The following KDM4C variants were observed in gnomAD, a reference collection of about 807,000 sequenced individuals.
The protein encoded by KDM4C is lysine demethylase 4C, also known as lysine-specific demethylase 4C.
KDM4C carries 81 observed loss-of-function variants against 129.3 expected under a neutral mutation model. That is an observed-to-expected ratio of 0.63 (90% CI 0.52 to 0.75). The LOEUF is 0.75. Ranked by LOEUF, KDM4C falls within the 30% of genes least tolerant of loss-of-function variation. KDM4C has a pLI of 0.00. For synonymous variants in KDM4C, 573 were observed against 456.1 expected (o/e 1.26, Z -3.26); for missense variants, 1,457 against 1,304.0 (o/e 1.12, Z -1.81).
At chr9:7,160,544 C>T (rs979632651) in intron 19 of KDM4C, among the ~76,000 whole-genome samples, 1 of 152,186 alleles carries the variant, frequency 6.6e-6, no homozygotes, top group South Asian at 2.1e-4. Flanking sequence ...GATGTTGATG[C>T]TATTCCCTTC....
intron 15 of KDM4C, among the ~76,000 whole-genome samples, chr9:7,036,041 T>C (rs1827588491): frequency 6.6e-6 from 1 of 152,190 alleles, no homozygotes. Context: ...GGTGTTTTGA[T>C]AGGGATTGCA....
At chr9:6,958,382 C>T (rs1032563794) in intron 8 of KDM4C, among the ~76,000 whole-genome samples, 5 of 151,956 alleles carry the variant, frequency 3.3e-5, no homozygotes, top group Non-Finnish European at 7.4e-5. Context: ...ACCAGAAGTT[C>T]GAGACCAGCC....
intron 8 of KDM4C, among the ~76,000 whole-genome samples, chr9:6,918,356 T>G (rs1820716002): frequency 6.6e-6 from 1 of 152,214 alleles, no homozygotes; most frequent in Non-Finnish European, 1.5e-5. Context: ...ATGATTTTAT[T>G]CTTTTTATGG....
intron 17 of KDM4C, among the ~76,000 whole-genome samples, chr9:7,092,513 T>G (rs1328483465): frequency 6.6e-6 from 1 of 152,200 alleles, no homozygotes; most frequent in Non-Finnish European, 1.5e-5. Context: ...ATGTTTCTCT[T>G]CATAATTTAT....
intron 17 of KDM4C, among the ~76,000 whole-genome samples, chr9:7,092,051 A>C (rs1021528029): frequency 3.3e-5 from 5 of 152,188 alleles, no homozygotes; most frequent in African/African-American, 1.2e-4. Flanking sequence ...CTTATACCCA[A>C]GCTCTTTGGC....
At chr9:7,067,718 TA>T (rs1353300749) in intron 17 of KDM4C, among the ~76,000 whole-genome samples, 1 of 152,228 alleles carries the variant, frequency 6.6e-6, no homozygotes, top group Non-Finnish European at 1.5e-5. Context: ...CCGAAGTGTA[TA>T]AAATCCAAAA....
chr9:6,731,325 C>CT (rs34724329), intron 1 of KDM4C, among the ~76,000 whole-genome samples: 2,984 of 113,958 alleles, frequency 0.026, 193 homozygotes, highest in African/African-American at 0.077. Context: ...TTTTTTTTTG[C>CT]TTTTTTTTTT....
At chr9:6,925,566 T>G in intron 8 of KDM4C, 1 of 983,994 alleles carries the variant, frequency 1.0e-6, no homozygotes, top group Non-Finnish European at 1.2e-6. Context: ...GAAGTTCTGG[T>G]ACAAGTGGGA....
chr9:6,963,458 A>C (rs146655150), intron 8 of KDM4C, among the ~76,000 whole-genome samples: 402 of 152,350 alleles, frequency 2.6e-3, no homozygotes, highest in African/African-American at 9.3e-3. Context: ...TATGACCAGT[A>C]GTATCGTGCC....
At chr9:6,797,250 G>A (rs1827921163) in intron 2 of KDM4C, among the ~76,000 whole-genome samples, 1 of 152,104 alleles carries the variant, frequency 6.6e-6, no homozygotes, top group African/African-American at 2.4e-5. Flanking sequence ...GCCTCCCAAA[G>A]TGCTGGGATT....
chr9:6,805,616 G>A lies in KDM4C; in HGVS notation c.162G>A (p.Glu54=). ...AGLAKVIPPK[E]WKPRQCYDDI... ...ATTTTTAGGTGATTCCTCCTAAGGA[G>A]TGGAAGCCAAGACAGTGCTATGATG... Residue 54 remains glutamate, a synonymous_variant, in exon 3 of 22, where the codon GAG becomes GAA. Coordinates refer to ENST00000381309, the MANE Select transcript of KDM4C (RefSeq NM_015061.6). 6.2e-7 allele frequency: 1 copy of A among 1,609,346 alleles called. No individual in the cohort carries two copies. Among genetic ancestry groups the A allele is most frequent in the South Asian group, 1.1e-5 (1 of 89,302 alleles).
chr9:6,776,376 C>T (rs1277490784), intron 1 of KDM4C, among the ~76,000 whole-genome samples: 1 of 152,158 alleles, frequency 6.6e-6, no homozygotes, highest in East Asian at 1.9e-4. Flanking sequence ...TGATTCCTGC[C>T]TCAGCCTCCC....
chr9:6,999,073 G>T (rs10975959), intron 12 of KDM4C, among the ~76,000 whole-genome samples: 3 of 152,026 alleles, frequency 2.0e-5, no homozygotes, highest in South Asian at 2.1e-4. Flanking sequence ...TCAAACAAAA[G>T]GACATTAGTT....
chr9:7,093,751 T>C (rs1347152413), intron 17 of KDM4C, among the ~76,000 whole-genome samples: 1 of 152,248 alleles, frequency 6.6e-6, no homozygotes, highest in Non-Finnish European at 1.5e-5. Context: ...TATAGCAATC[T>C]ATTAATGCAT....
intron 9 of KDM4C, chr9:6,982,476 A>G (rs1241124136): frequency 6.6e-6 from 1 of 152,228 alleles, no homozygotes; most frequent in African/African-American, 2.4e-5. Flanking sequence ...GGTAAGGGCA[A>G]ATATTCACTC....
rs188028457 is a variant in KDM4C at position 6,857,432 on chromosome 9, A to T, written c.629+7732A>T. Among the ~76,000 whole-genome samples the T allele has an allele frequency of 2.6e-5, 4 of 152,344 alleles. No individual in the cohort carries two copies. In the East Asian group the frequency reaches 7.7e-4, roughly 29 times the overall value. ...GAGAATACAGTGCTAACTGGTAGTA[A>T]AATATTTATTGATCAAGTGGATCAC... On this transcript the variant is annotated intron_variant, in intron 5 of 21. Transcript: ENST00000381309.
chr9:6,724,531 A>G lies in KDM4C; in HGVS notation c.49+3534A>G, dbSNP rs148618574. On this transcript the variant is annotated intron_variant, in intron 1 of 17. Transcript: ENST00000536108. ...AACTGGACATATTATTATTATTGTT[A>G]TTATTATTATTATTTTTGAGACGGA... Among the ~76,000 whole-genome samples, 244 of 151,984 alleles carry G rather than the reference A, an allele frequency of 1.6e-3. 2 individuals are homozygous for G. Among genetic ancestry groups the G allele is most frequent in the African/African-American group, 5.6e-3 (234 of 41,472 alleles).
intron 8 of KDM4C, among the ~76,000 whole-genome samples, chr9:6,943,103 A>G (rs1470496939): frequency 2.6e-5 from 4 of 152,116 alleles, no homozygotes; most frequent in Non-Finnish European, 5.9e-5. Context: ...CCTGGAGTCA[A>G]GCAATCCTCC....
intron 17 of KDM4C, among the ~76,000 whole-genome samples, chr9:7,087,631 T>C (rs534975492): frequency 7.2e-5 from 11 of 152,310 alleles, no homozygotes; most frequent in African/African-American, 2.4e-4. Context: ...AAAATTATCT[T>C]ACATTCAGTT....
Sources: allele counts gnomAD v4.1 joint callset (sites outside exome capture counted in the v4.1 genomes callset), GRCh38; gene constraint gnomAD v4.1.1; transcripts MANE v1.5; gene names NCBI Gene and HGNC (gene_info 2026-07-23, HGNC 2026-07-21).